The following MRTFB variants were observed in gnomAD, a reference collection of about 807,000 sequenced individuals.
MRTFB encodes myocardin related transcription factor B.
In MRTFB, 29 loss-of-function variants were observed where a neutral mutation model predicts 104.2. That is an observed-to-expected ratio of 0.28 (90% CI 0.21 to 0.38). The LOEUF (loss-of-function observed/expected upper bound fraction) is 0.38, where lower values mean the gene tolerates loss of function less well. MRTFB is among the 10% of genes least tolerant of loss of function. The pLI is 1.00. For synonymous variants in MRTFB, 535 were observed against 519.5 expected, an observed-to-expected ratio of 1.03 and a Z score of -0.41; for missense variants, 1,270 against 1,341.6, an observed-to-expected ratio of 0.95 and a Z score of 0.83.
At chr16:14,258,019 G>A in intron 15 of MRTFB, 82 bp from the exon 16 acceptor site, 1 of 1,184,892 alleles carries the variant, frequency 8.4e-7, no homozygotes, top group Non-Finnish European at 1.2e-6. Context: ...AAATCATCTA[G>A]AAAGTCCCTT....
chr16:14,243,863 G>GGTTTTTTTTTTTTTTTTTTTTT lies in MRTFB; in HGVS notation c.1080-1651_1080-1650insTTTTTTTTGTTTTTTTTTTTTT, dbSNP rs1555458546. ...CCAGAGATTAGTTTTGCCTGTTTTG[G>GGTTTTTTTTTTTTTTTTTTTTT]GTTTTTTTTTTTTTGAGACAGAGTC... On this transcript the variant is annotated intron_variant, in intron 10 of 16. Coordinates refer to ENST00000571589, the MANE Select transcript of MRTFB (RefSeq NM_001308142.2). Among the ~76,000 whole-genome samples the GGTTTTTTTTTTTTTTTTTTTTT allele has an allele frequency of 3.4e-5, 4 of 118,798 alleles. 1 individual carries two copies. The highest frequency in any genetic ancestry group is 2.0e-4 in the African/African-American group (4 of 19,590). 77.9% of individuals were successfully genotyped at this position (118,798 alleles called of 152,430 possible).
rs780060888 is a variant in MRTFB at position 14,247,485 on chromosome 16, C to A, written c.2225C>A (p.Pro742His). 18 of 1,566,490 alleles carry A rather than the reference C, an allele frequency of 1.1e-5. No homozygotes were observed. The South Asian group carries it at 2.1e-4, about 18-fold the overall frequency. ...TCGAGTGTCACCTCAGTGCAACTCC[C>A]TGTAGGCAGCCTCAAACTCCAGGTG... is the stretch of plus-strand genomic sequence containing the variant. ...QGSSVTSVQL[P>H]VGSLKLQTSP... Residue 742 changes from proline (P) to histidine (H), a missense_variant, in exon 12 of 17, where the codon CCT (proline) becomes CAT (histidine). Pro to His is a moderately conservative substitution (Grantham distance 77). Coordinates refer to ENST00000571589, the MANE Select transcript of MRTFB (RefSeq NM_001308142.2).
Position 14,079,288 on chromosome 16 carries a change from A to C in MRTFB, c.-128-2A>C, listed in dbSNP as rs2034257474. 2.8e-6 allele frequency: 1 copy of C among 353,550 alleles called. No homozygotes were observed. Among genetic ancestry groups the C allele is most frequent in the Non-Finnish European group, 5.1e-6 (1 of 194,626 alleles). The allele number at this position is 353,550 out of a possible 1,614,324, so 21.9% of individuals were successfully genotyped here. A position where few individuals can be genotyped will look rare whatever the true frequency, so the allele number is the denominator to read the frequency against. On this transcript the variant is annotated splice_acceptor_variant, in intron 1 of 16. Coordinates refer to ENST00000571589, the MANE Select transcript of MRTFB (RefSeq NM_001308142.2). LOFTEE classifies it low-confidence loss of function (5UTR_SPLICE). ...AAGTAATTTCTGCCTTTTTTTTTCC[A>C]GGTTCACAATAAAGGTGCTAAGAAA...
At chr16:14,225,472 GAAAC>G (rs1329578691) in intron 8 of MRTFB, among the ~76,000 whole-genome samples, 1 of 152,002 alleles carries the variant, frequency 6.6e-6, no homozygotes, top group Non-Finnish European at 1.5e-5. Context: ...AATTCCTATG[GAAAC>G]AAACAAAAAA....
intron 2 of MRTFB, among the ~76,000 whole-genome samples, chr16:14,093,243 A>T (rs1026649435): frequency 1.4e-5 from 2 of 146,004 alleles, no homozygotes; most frequent in African/African-American, 4.9e-5. Flanking sequence ...TGAGAGATGG[A>T]TTTTTTTTTT....
intron 3 of MRTFB, among the ~76,000 whole-genome samples, chr16:14,201,837 G>A (rs942074976): frequency 3.3e-5 from 5 of 152,056 alleles, no homozygotes; most frequent in African/African-American, 1.2e-4. Flanking sequence ...GCTATAATGG[G>A]GATATTGTAA....
intron 3 of MRTFB, among the ~76,000 whole-genome samples, chr16:14,146,533 C>T (rs1192368783): frequency 6.6e-6 from 1 of 152,178 alleles, no homozygotes; most frequent in African/African-American, 2.4e-5. Flanking sequence ...CAGAAGTTTG[C>T]TGCACACAAG....
chr16:14,259,710 C>G (rs1205337811), intron 16 of MRTFB, among the ~76,000 whole-genome samples: 1 of 152,104 alleles, frequency 6.6e-6, no homozygotes, highest in Non-Finnish European at 1.5e-5. Flanking sequence ...GAGATCATGC[C>G]ACCGCACTCC....
the MRTFB span, among the ~76,000 whole-genome samples, chr16:14,062,819 A>T: frequency 6.6e-6 from 1 of 152,124 alleles, no homozygotes; most frequent in African/African-American, 2.4e-5. Context: ...GCCATGAAAC[A>T]TCAGTGCCAG....
At chr16:14,236,436 TAAAGCAAGGAACA>T (rs2151332308) in intron 9 of MRTFB, among the ~76,000 whole-genome samples, 1 of 152,288 alleles carries the variant, frequency 6.6e-6, no homozygotes, top group South Asian at 2.1e-4. Context: ...TAGGAATAGA[TAAAGCAAGGAACA>T]AAAGATCACA....
intron 16 of MRTFB, among the ~76,000 whole-genome samples, chr16:14,258,987 T>G (rs2043637140): frequency 6.6e-6 from 1 of 152,230 alleles, no homozygotes; most frequent in Non-Finnish European, 1.5e-5. Context: ...AAAGGAGTTT[T>G]ATTTGAATTT....
Position 14,247,145 on chromosome 16 carries a change from C to T in MRTFB, c.1885C>T (p.Gln629Ter). 6.2e-7 allele frequency: 1 copy of T among 1,614,158 alleles called. No individual in the cohort carries two copies. The highest frequency in any genetic ancestry group is 8.5e-7 in the Non-Finnish European group (1 of 1,180,030). Reference sequence around the variant, plus strand: ...CCCAGGTCATTCTGTCAAGTCAGATCAGAAGCACGGCAGCCTTGGCTCCTC... The same window carrying T: ...CCCAGGTCATTCTGTCAAGTCAGATTAGAAGCACGGCAGCCTTGGCTCCTC... ...SAPGHSVKSDQKHGSLGSSIK... is the reference protein window; with the variant it reads ...SAPGHSVKSD Residue 629 changes from glutamine (Q) to a stop codon, truncating the protein, a stop_gained, in exon 12 of 17, where the codon CAG (glutamine) becomes TAG (stop). Transcript: ENST00000571589. LOFTEE classifies it high-confidence loss of function.
intron 3 of MRTFB, among the ~76,000 whole-genome samples, chr16:14,203,804 GAAAAAAAAAAAAAAA>G (rs908323645): frequency 2.1e-5 from 1 of 46,574 alleles, no homozygotes; most frequent in Non-Finnish European, 4.7e-5. Flanking sequence ...ACTCTGTCTC[GAAAAAAAAAAAAAAA>G]AAAAAAAAAA....
chr16:14,093,371 C>T (rs576193403), intron 2 of MRTFB, among the ~76,000 whole-genome samples: 1 of 152,002 alleles, frequency 6.6e-6, no homozygotes, highest in Non-Finnish European at 1.5e-5. Context: ...TGTGTTTTTG[C>T]ATATTGCCTA....
At chr16:14,211,938 A>C (rs771647454) in intron 4 of MRTFB, among the ~76,000 whole-genome samples, 2 of 152,148 alleles carry the variant, frequency 1.3e-5, no homozygotes, top group South Asian at 4.2e-4. Context: ...TGATACCTCA[A>C]ATCTGTTGGA....
chr16:14,102,151 C>CT (rs996940116), intron 2 of MRTFB, among the ~76,000 whole-genome samples: 29 of 147,476 alleles, frequency 2.0e-4, no homozygotes, highest in East Asian at 3.9e-4. Context: ...CAACCTGAGT[C>CT]TTTTTAAAAA....
intron 3 of MRTFB, among the ~76,000 whole-genome samples, chr16:14,185,781 CTT>C (rs2039932429): frequency 1.3e-5 from 2 of 151,972 alleles, no homozygotes; most frequent in South Asian, 4.2e-4. Flanking sequence ...AAGGAACACA[CTT>C]TGAACCATTT....
At chr16:14,078,835 C>A (rs2034225683) in intron 1 of MRTFB, among the ~76,000 whole-genome samples, 1 of 151,920 alleles carries the variant, frequency 6.6e-6, no homozygotes. Flanking sequence ...ATTTATTGAA[C>A]ACATATTTCA....
chr16:14,118,339 G>A (rs2036653128), intron 2 of MRTFB, among the ~76,000 whole-genome samples: 1 of 151,072 alleles, frequency 6.6e-6, no homozygotes, highest in Non-Finnish European at 1.5e-5. Flanking sequence ...ATGGGGTTTT[G>A]CCATGTTGCC....
Sources: allele counts gnomAD v4.1 joint callset (sites outside exome capture counted in the v4.1 genomes callset), GRCh38; gene constraint gnomAD v4.1.1; transcripts MANE v1.5; gene names NCBI Gene and HGNC (gene_info 2026-07-23, HGNC 2026-07-21).